Variants in GNG12 observed in about 807,000 individuals in gnomAD.
The protein encoded by GNG12 is guanine nucleotide-binding protein G(I)/G(S)/G(O) subunit gamma-12.
For synonymous variants in GNG12, 28 were observed against 29.7 expected (o/e 0.94, Z 0.19); for missense variants, 69 against 83.8 (o/e 0.82, Z 0.69).
At chr1:67,793,285 A>G (rs774189170) in intron 1 of GNG12, among the ~76,000 whole-genome samples, 2 of 152,232 alleles carry the variant, frequency 1.3e-5, no homozygotes, top group Non-Finnish European at 2.9e-5. Context: ...GATAACATAA[A>G]TAGAAAACAC....
intron 2 of GNG12, chr1:67,777,027 G>C (rs1314793381): frequency 6.6e-6 from 1 of 151,882 alleles, no homozygotes; most frequent in Non-Finnish European, 1.5e-5. Flanking sequence ...TGAGAGATGA[G>C]AGAAAAAAAA....
chr1:67,825,342 C>T (rs1459029164), intron 1 of GNG12, among the ~76,000 whole-genome samples: 1 of 152,106 alleles, frequency 6.6e-6, no homozygotes, highest in Non-Finnish European at 1.5e-5. Context: ...TGTATTGTCT[C>T]CAGAAAACAG....
chr1:67,707,821 A>C (rs1354623860), intron 2 of GNG12, 109 bp from the exon 3 acceptor site: 1 of 606,504 alleles, frequency 1.6e-6, no homozygotes, highest in Non-Finnish European at 2.8e-6. Context: ...CCTAGTCATC[A>C]CAGCTTCTTG....
chr1:67,811,082 T>A (rs1438743417), intron 1 of GNG12, among the ~76,000 whole-genome samples: 2 of 152,206 alleles, frequency 1.3e-5, no homozygotes, highest in African/African-American at 4.8e-5. Flanking sequence ...CCCAGCAATC[T>A]GTGTTTTAAC....
In GNG12 at chr1:67,751,182, CAG is replaced by C. The variant is rs1275906517; in HGVS notation, c.-27+26274_-27+26275del. ...CTGCCCATTTACATGGATACACATA[CAG>C]ACACACACACACACACACACACACA... On this transcript the variant is annotated intron_variant, in intron 2 of 3. Coordinates refer to ENST00000370982, the MANE Select transcript of GNG12 (RefSeq NM_018841.6). Among the ~76,000 whole-genome samples the C allele has an allele frequency of 2.1e-3, 262 of 124,884 alleles. 3 individuals carry two copies. Among genetic ancestry groups the C allele is most frequent in the African/African-American group, 1.0e-2 (256 of 25,664 alleles). The allele number at this position is 124,884 out of a possible 152,430, so 81.9% of individuals were successfully genotyped here.
chr1:67,718,246 G>A (rs1646337800), intron 2 of GNG12, among the ~76,000 whole-genome samples: 1 of 152,024 alleles, frequency 6.6e-6, no homozygotes, highest in Admixed American at 6.6e-5. Flanking sequence ...GACCACCACT[G>A]TCCTGGTCAC....
At chr1:67,811,914 C>G (rs536313600) in intron 1 of GNG12, among the ~76,000 whole-genome samples, 2 of 152,050 alleles carry the variant, frequency 1.3e-5, no homozygotes, top group African/African-American at 2.4e-5. Context: ...TATTTGTTTA[C>G]GGAAGAACAT....
intron 2 of GNG12, among the ~76,000 whole-genome samples, chr1:67,738,110 G>GT (rs1445225350): frequency 4.0e-5 from 6 of 151,896 alleles, no homozygotes; most frequent in Admixed American, 6.6e-5. Context: ...TTTTTTGTTT[G>GT]TTTTTTGGTA....
At chr1:67,821,791 C>T (rs1196763764) in intron 1 of GNG12, among the ~76,000 whole-genome samples, 1 of 149,270 alleles carries the variant, frequency 6.7e-6, no homozygotes, top group Non-Finnish European at 1.5e-5. Flanking sequence ...TTCTTAGTGG[C>T]ACATAGAATA....
At chr1:67,774,184 C>G (rs186850169) in intron 2 of GNG12, among the ~76,000 whole-genome samples, 1 of 152,154 alleles carries the variant, frequency 6.6e-6, no homozygotes, top group Non-Finnish European at 1.5e-5. Context: ...AAGTCATCAA[C>G]GGAGCATGTT....
At chr1:67,807,668 T>C (rs1214132001) in intron 1 of GNG12, among the ~76,000 whole-genome samples, 1 of 151,866 alleles carries the variant, frequency 6.6e-6, no homozygotes, top group South Asian at 2.1e-4. Context: ...AAAAGGCTAA[T>C]AAGGGAATAA....
intron 1 of GNG12, among the ~76,000 whole-genome samples, chr1:67,817,787 CTTTTTTTT>C (rs66518207): frequency 9.2e-6 from 1 of 108,258 alleles, no homozygotes; most frequent in African/African-American, 3.7e-5. Flanking sequence ...TTCTTTCTTT[CTTTTTTTT>C]TTTTTTTTTT....
chr1:67,788,697 G>A (rs936318951), intron 1 of GNG12, among the ~76,000 whole-genome samples: 9 of 152,112 alleles, frequency 5.9e-5, no homozygotes, highest in Middle Eastern at 3.2e-3. Flanking sequence ...ACTTACACAC[G>A]AAGAGTAGTA....
At chr1:67,779,571 C>T (rs1646725450) in intron 1 of GNG12, among the ~76,000 whole-genome samples, 1 of 152,210 alleles carries the variant, frequency 6.6e-6, no homozygotes, top group Non-Finnish European at 1.5e-5. Context: ...CATGTCCTTT[C>T]CCTACAGTAT....
Position 67,831,528 on chromosome 1 carries a change from G to A in GNG12, c.-77+1816C>T, listed in dbSNP as rs551697973. On this transcript the variant is annotated intron_variant, in intron 1 of 3. Coordinates refer to ENST00000370982, the MANE Select transcript of GNG12 (RefSeq NM_018841.6). ...GGGTTCGATATCTAGTAAATTACAT[G>A]AGTTAAATACAGCAAAAATAGGACT... is the stretch of plus-strand genomic sequence containing the variant. Among the ~76,000 whole-genome samples, 26 of 152,224 alleles carry A rather than the reference G, an allele frequency of 1.7e-4. 1 individual carries two copies. The South Asian group carries it at 5.2e-3, about 30-fold the overall frequency.
intron 1 of GNG12, among the ~76,000 whole-genome samples, chr1:67,815,021 G>GT (rs1371436888): frequency 6.6e-6 from 1 of 152,180 alleles, no homozygotes; most frequent in African/African-American, 2.4e-5. Context: ...TTTTTATCCA[G>GT]TTTGTGGCCA....
At position 67,782,503 on chromosome 1, in the gene GNG12, C is replaced by T. The variant is rs140569067; in HGVS notation, c.-76-4996G>A. Among the ~76,000 whole-genome samples the T allele has an allele frequency of 4.0e-3, 616 of 152,230 alleles. 5 individuals carry two copies. Among genetic ancestry groups the T allele is most frequent in the African/African-American group, 0.014 (586 of 41,534 alleles). ...GCTGGAAGAGCTGGTCTAAGCTGTTCATCAGGAGAAATTCTTTTTACCTGG... is the reference window on the plus strand; with the variant it reads ...GCTGGAAGAGCTGGTCTAAGCTGTTTATCAGGAGAAATTCTTTTTACCTGG... On this transcript the variant is annotated intron_variant, in intron 1 of 3. Transcript: ENST00000370982.
intron 2 of GNG12, among the ~76,000 whole-genome samples, chr1:67,756,537 C>T (rs1439186002): frequency 6.6e-6 from 1 of 152,196 alleles, no homozygotes; most frequent in Non-Finnish European, 1.5e-5. Context: ...TTCCCATCTT[C>T]TGGGTTCAGG....
At chr1:67,822,068 A>AAAAAAAAATCGC (rs1646987960) in intron 1 of GNG12, among the ~76,000 whole-genome samples, 1 of 151,342 alleles carries the variant, frequency 6.6e-6, no homozygotes, top group African/African-American at 2.4e-5. Context: ...GATGAGCTGA[A>AAAAAAAAATCGC]AAAAAAAATC....
Sources: allele counts gnomAD v4.1 joint callset (sites outside exome capture counted in the v4.1 genomes callset), GRCh38; gene constraint gnomAD v4.1.1; transcripts MANE v1.5; gene names NCBI Gene and HGNC (gene_info 2026-07-23, HGNC 2026-07-21).